The following MSI2 variants were observed in gnomAD, a reference collection of about 807,000 sequenced individuals.
MSI2 encodes the protein RNA-binding protein Musashi homolog 2.
In MSI2, 17 loss-of-function variants were observed where a neutral mutation model predicts 45.6. That is an observed-to-expected ratio of 0.37 (90% CI 0.26 to 0.56). The LOEUF (loss-of-function observed/expected upper bound fraction) is 0.56, where lower values mean the gene tolerates loss of function less well. Among genes scored for constraint, MSI2 ranks in the 20% least tolerant of loss-of-function variants. The pLI is 0.77. For synonymous variants in MSI2, 156 were observed against 158.2 expected, an observed-to-expected ratio of 0.99 and a Z score of 0.11; for missense variants, 293 against 444.2, an observed-to-expected ratio of 0.66 and a Z score of 3.06.
At chr17:57,527,979 G>A (rs1382906947) in intron 6 of MSI2, among the ~76,000 whole-genome samples, 2 of 152,134 alleles carry the variant, frequency 1.3e-5, no homozygotes, top group African/African-American at 2.4e-5. Flanking sequence ...AAAGGGATTA[G>A]CGCCAGCCCC....
intron 6 of MSI2, among the ~76,000 whole-genome samples, chr17:57,521,608 T>G (rs746918576): frequency 2.6e-5 from 4 of 152,124 alleles, no homozygotes; most frequent in Non-Finnish European, 4.4e-5. Context: ...ACTTCTAATC[T>G]TTAGGCAGCA....
At chr17:57,472,590 T>A (rs1266150404) in intron 6 of MSI2, among the ~76,000 whole-genome samples, 3 of 152,252 alleles carry the variant, frequency 2.0e-5, no homozygotes, top group Non-Finnish European at 4.4e-5. Context: ...TGCTGCCAAC[T>A]GGCCTCATGA....
intron 5 of MSI2, among the ~76,000 whole-genome samples, chr17:57,324,911 G>A (rs896627874): frequency 6.6e-6 from 1 of 152,186 alleles, no homozygotes; most frequent in Non-Finnish European, 1.5e-5. Context: ...TTGTGAGCTG[G>A]AGGAGAGCAA....
At chr17:57,442,553 CG>C (rs1262733847) in intron 6 of MSI2, among the ~76,000 whole-genome samples, 1 of 152,154 alleles carries the variant, frequency 6.6e-6, no homozygotes, top group Non-Finnish European at 1.5e-5. Flanking sequence ...CCCCTTCTCC[CG>C]GAAGAAATGG....
rs1912313470 is a variant in MSI2 at position 57,665,656 on chromosome 17, TG to T, written c.791-9313del. On this transcript the variant is annotated intron_variant, in intron 11 of 13. Coordinates refer to ENST00000284073, the MANE Select transcript of MSI2 (RefSeq NM_138962.4). ...CAGTGAGTTTTCTATTAGATATGAT[TG>T]GGCAGTAAATACCGTTCAGCCCTAG... Among the ~76,000 whole-genome samples the T allele has an allele frequency of 2.6e-5, 4 of 152,252 alleles. No individual in the cohort carries two copies. The South Asian group carries it at 8.3e-4, about 32-fold the overall frequency.
chr17:57,256,994 C>A (rs1369550953), intron 1 of MSI2, 104 bp from the exon 2 acceptor site: 3 of 1,535,654 alleles, frequency 2.0e-6, no homozygotes, highest in Non-Finnish European at 2.7e-6. Context: ...TCCCGGCTCT[C>A]GCTCGCTCGC....
chr17:57,545,130 T>C (rs1231701114), intron 7 of MSI2, among the ~76,000 whole-genome samples: 1 of 152,172 alleles, frequency 6.6e-6, no homozygotes, highest in African/African-American at 2.4e-5. Flanking sequence ...TCAAAGGAAC[T>C]GTATAGCAGA....
chr17:57,676,705 G>A (rs1412871969), intron 12 of MSI2, among the ~76,000 whole-genome samples: 1 of 152,168 alleles, frequency 6.6e-6, no homozygotes, highest in African/African-American at 2.4e-5. Flanking sequence ...CATCACTGGG[G>A]GCACAAACCC....
intron 7 of MSI2, among the ~76,000 whole-genome samples, chr17:57,543,774 A>G (rs1410041630): frequency 6.6e-6 from 1 of 152,226 alleles, no homozygotes; most frequent in African/African-American, 2.4e-5. Flanking sequence ...GGTAAGATTT[A>G]CAAAAGAAGC....
chr17:57,572,902 A>C (rs2087916129), intron 7 of MSI2, among the ~76,000 whole-genome samples: 2 of 152,250 alleles, frequency 1.3e-5, no homozygotes, highest in Admixed American at 6.5e-5. Context: ...GATGGCTGTA[A>C]CTTATGGGCA....
chr17:57,391,781 G>A (rs1041566337), intron 5 of MSI2, among the ~76,000 whole-genome samples: 2 of 152,188 alleles, frequency 1.3e-5, no homozygotes, highest in East Asian at 1.9e-4. Flanking sequence ...TTCTCATGCT[G>A]GGGCTTTAGA....
chr17:57,644,893 G>A (rs1204734201), intron 10 of MSI2, among the ~76,000 whole-genome samples: 2 of 152,118 alleles, frequency 1.3e-5, no homozygotes, highest in African/African-American at 4.8e-5. Context: ...GCACAGAGGG[G>A]CCACTGACTC....
At chr17:57,590,117 T>C (rs1229281332) in intron 7 of MSI2, among the ~76,000 whole-genome samples, 1 of 152,210 alleles carries the variant, frequency 6.6e-6, no homozygotes, top group East Asian at 1.9e-4. Flanking sequence ...AATTTGACAA[T>C]CTGGGGTTTT....
intron 4 of MSI2, among the ~76,000 whole-genome samples, chr17:57,261,076 T>G (rs1183163267): frequency 6.6e-6 from 1 of 152,236 alleles, no homozygotes; most frequent in East Asian, 1.9e-4. Flanking sequence ...TTTGTGACAT[T>G]TAGAAATTCA....
At chr17:57,296,914 G>T (rs572988360) in intron 5 of MSI2, among the ~76,000 whole-genome samples, 1 of 152,060 alleles carries the variant, frequency 6.6e-6, no homozygotes, top group African/African-American at 2.4e-5. Flanking sequence ...TCACTCTGTC[G>T]CCCAGGCTGG....
intron 10 of MSI2, among the ~76,000 whole-genome samples, chr17:57,643,134 G>A (rs185096275): frequency 2.1e-3 from 324 of 152,284 alleles, no homozygotes; most frequent in South Asian, 0.013. Flanking sequence ...AAGCTCCACA[G>A]GGGATTTCTG....
chr17:57,474,125 C>CTTTTTCTGCA (rs2085492740), intron 6 of MSI2, among the ~76,000 whole-genome samples: 1 of 152,120 alleles, frequency 6.6e-6, no homozygotes. Context: ...TGATCTGCAG[C>CTTTTTCTGCA]ACCCAGGGCT....
intron 6 of MSI2, among the ~76,000 whole-genome samples, chr17:57,477,540 G>T (rs1277945084): frequency 6.6e-6 from 1 of 152,132 alleles, no homozygotes; most frequent in Non-Finnish European, 1.5e-5. Context: ...GTCGATGTCT[G>T]CAGGGGAAAA....
intron 5 of MSI2, among the ~76,000 whole-genome samples, chr17:57,385,913 G>C (rs1025506395): frequency 6.6e-6 from 1 of 152,156 alleles, no homozygotes; most frequent in African/African-American, 2.4e-5. Context: ...AGATCTTCAA[G>C]GGCACAGAAC....
Sources: gnomAD v4.1 joint callset for allele counts (sites outside exome capture counted in the v4.1 genomes callset) on GRCh38, gnomAD v4.1.1 for gene constraint, MANE v1.5 for transcripts, NCBI Gene and HGNC (gene_info 2026-07-23, HGNC 2026-07-21) for gene names.